The following MDH1B variants were observed in gnomAD, a reference collection of about 807,000 sequenced individuals.
MDH1B encodes the protein putative malate dehydrogenase 1B.
A neutral mutation model predicts 61.4 loss-of-function variants in MDH1B; 60 were observed. The observed-to-expected ratio is 0.98, with a 90% CI of 0.79 to 1.21. The LOEUF is 1.21. MDH1B is among the 50% of genes most tolerant of loss of function. The pLI is 0.00. For synonymous variants in MDH1B, 236 were observed against 218.7 expected, an observed-to-expected ratio of 1.08 and a Z score of -0.70; for missense variants, 587 against 632.1, an observed-to-expected ratio of 0.93 and a Z score of 0.76.
chr2:206,742,930 T>C (rs1687898068), intron 9 of MDH1B, among the ~76,000 whole-genome samples: 1 of 152,082 alleles, frequency 6.6e-6, no homozygotes, highest in Admixed American at 6.6e-5. Context: ...TTAGCCAGGA[T>C]GGTCTCGATC....
At chr2:206,752,283 A>G (rs1036932384) in intron 5 of MDH1B, among the ~76,000 whole-genome samples, 4 of 152,118 alleles carry the variant, frequency 2.6e-5, no homozygotes, top group African/African-American at 9.7e-5. Context: ...CCCCAAATAG[A>G]CTATATCACT....
chr2:206,758,959 GTTT>G (rs1307519260), intron 2 of MDH1B, among the ~76,000 whole-genome samples: 2 of 142,904 alleles, frequency 1.4e-5, no homozygotes, highest in African/African-American at 2.8e-5. Context: ...GGCCAAGGCT[GTTT>G]GTTTTTTTTT....
intron 4 of MDH1B, 196 bp downstream of exon 4, chr2:206,756,702 T>A: frequency 1.7e-6 from 1 of 575,572 alleles, no homozygotes. Flanking sequence ...ATAAAACTCA[T>A]TTATGAGTTA....
chr2:206,740,074 A>T (rs1574617046), intron 10 of MDH1B, among the ~76,000 whole-genome samples: 1 of 152,234 alleles, frequency 6.6e-6, no homozygotes, highest in African/African-American at 2.4e-5. Context: ...AGGCAGCTTT[A>T]GAAAAAATAC....
In MDH1B at chr2:206,755,296, G is replaced by T. The variant is rs762218065; in HGVS notation, c.623C>A (p.Ala208Asp). 3.1e-6 allele frequency: 5 copies of T among 1,614,192 alleles called. No individual in the cohort carries two copies. The highest frequency in any genetic ancestry group is 4.2e-6 in the Non-Finnish European group (5 of 1,180,032). ...GTCATCCAGCACCACAATGACGTGG[G>T]CCTGGCGGAAGGCCTCCTCCACCTT... The part of the protein sequence containing the change: ...CTKVEEAFRQ[A>D]HVIVVLDDST... Residue 208 changes from alanine to aspartate, a missense_variant, in exon 5 of 12, where the codon GCC (alanine) becomes GAC (aspartate). Transcript: ENST00000374412.
chr2:206,741,246 A>C, intron 9 of MDH1B, 142 bp from the exon 10 acceptor site: 2 of 1,088,952 alleles, frequency 1.8e-6, no homozygotes, highest in Non-Finnish European at 2.7e-6. Context: ...ATTATAGTCC[A>C]ATGTGTACAT....
At chr2:206,748,303 C>T (rs557752482) in intron 7 of MDH1B, among the ~76,000 whole-genome samples, 6 of 152,324 alleles carry the variant, frequency 3.9e-5, no homozygotes, top group Non-Finnish European at 5.9e-5. Flanking sequence ...CACTTGAACC[C>T]AGAAGGAGGG....
intron 7 of MDH1B, 34 bp from the exon 8 acceptor site, chr2:206,746,460 G>A: frequency 1.3e-6 from 2 of 1,580,628 alleles, no homozygotes; most frequent in South Asian, 1.2e-5. Flanking sequence ...AAGCAATGCA[G>A]CAGAACTTAG....
At position 206,738,351 on chromosome 2, in the gene MDH1B, G is replaced by T. The variant is rs1358908871; in HGVS notation, c.*132C>A. 5.1e-6 allele frequency: 3 copies of T among 583,570 alleles called. No individual in the cohort carries two copies. The highest frequency in any genetic ancestry group is 1.9e-5 in the African/African-American group (1 of 51,776). The allele number at this position is 583,570 out of a possible 1,614,324, so 36.1% of individuals were successfully genotyped here. ...TCTGTGCTGTCACAGTGATTTAATT[G>T]CCTTGCATGGTATTATCTAAGACTG... On this transcript the variant is annotated 3_prime_UTR_variant, in exon 12 of 12. Coordinates refer to ENST00000374412, the MANE Select transcript of MDH1B (RefSeq NM_001039845.3).
At chr2:206,751,150 T>G (rs1688414865) in intron 5 of MDH1B, 75 bp from the exon 6 acceptor site, 30 of 1,055,424 alleles carry the variant, frequency 2.8e-5, no homozygotes, top group Non-Finnish European at 4.0e-5. Context: ...GCCTATTTTT[T>G]GTTTGCGTGC....
chr2:206,752,647 C>T (rs548697408), intron 5 of MDH1B, among the ~76,000 whole-genome samples: 3 of 152,224 alleles, frequency 2.0e-5, no homozygotes, highest in African/African-American at 7.2e-5. Context: ...CTTCCTACAG[C>T]CTAAAGAACC....
rs1331258239 is a variant in MDH1B at position 206,751,137 on chromosome 2, G to A, written c.911-62C>T. The A allele has an allele frequency of 4.8e-6, 6 of 1,254,712 alleles. No homozygotes were observed. The East Asian group carries it at 1.1e-4, about 22-fold the overall frequency. The allele number at this position is 1,254,712 out of a possible 1,614,324, so 77.7% of individuals were successfully genotyped here. Reference sequence around the variant, plus strand: ...TGTATGTTAATATAAAAAATTGCCTGAAGCCTATTTTTTGTTTGCGTGCAT... The same window carrying A: ...TGTATGTTAATATAAAAAATTGCCTAAAGCCTATTTTTTGTTTGCGTGCAT... On this transcript the variant is annotated intron_variant, in intron 5 of 11. Transcript: ENST00000374412.
intron 7 of MDH1B, among the ~76,000 whole-genome samples, chr2:206,748,454 T>C (rs1688245455): frequency 6.6e-6 from 1 of 152,260 alleles, no homozygotes; most frequent in African/African-American, 2.4e-5. Context: ...TAAAAGTTTA[T>C]ATGCAGTATT....
intron 1 of MDH1B, among the ~76,000 whole-genome samples, chr2:206,762,301 T>G (rs1689145460): frequency 6.6e-6 from 1 of 152,218 alleles, no homozygotes; most frequent in Admixed American, 6.5e-5. Flanking sequence ...CAAAATGGCA[T>G]TAGTTTGGAA....
At chr2:206,745,477 T>G in intron 9 of MDH1B, 145 bp downstream of exon 9, 1 of 681,588 alleles carries the variant, frequency 1.5e-6, no homozygotes. Context: ...AAGGACACAT[T>G]GAACTTAACA....
chr2:206,763,522 C>T (rs189924811), intron 1 of MDH1B, among the ~76,000 whole-genome samples: 3 of 152,196 alleles, frequency 2.0e-5, no homozygotes, highest in African/African-American at 4.8e-5. Context: ...ACACTATAGC[C>T]GTAACATTCA....
At position 206,755,111 on chromosome 2, in the gene MDH1B, T is replaced by C; in HGVS notation, c.808A>G (p.Arg270Gly). 5 of 1,614,194 alleles carry C rather than the reference T, an allele frequency of 3.1e-6. No individual in the cohort carries two copies. Among genetic ancestry groups the C allele is most frequent in the Non-Finnish European group, 4.2e-6 (5 of 1,180,034 alleles). Residue 270 changes from arginine to glycine, a missense_variant, in exon 5 of 12, where the codon AGA (arginine) becomes GGA (glycine). Arg to Gly is a moderately radical substitution (Grantham distance 125, BLOSUM62 -2). Transcript: ENST00000374412. ...FVNLKTVLLM[R>G]YAPRIAHNII... Reference sequence around the variant, plus strand: ...TTGTGTGCAATGCGTGGGGCATATCTCATGAGTAAAACTGTCTTCAGGTTT... The same window carrying C: ...TTGTGTGCAATGCGTGGGGCATATCCCATGAGTAAAACTGTCTTCAGGTTT...
chr2:206,762,201 A>G (rs1689139493), intron 1 of MDH1B, among the ~76,000 whole-genome samples: 1 of 152,006 alleles, frequency 6.6e-6, no homozygotes, highest in South Asian at 2.1e-4. Flanking sequence ...CTTCCTCCAA[A>G]TCTTTTCCTT....
At chr2:206,744,247 T>C (rs749347549) in intron 9 of MDH1B, among the ~76,000 whole-genome samples, 44 of 152,208 alleles carry the variant, frequency 2.9e-4, no homozygotes, top group Non-Finnish European at 1.9e-4. Flanking sequence ...CAGTCATCTA[T>C]ATAATGTGTG....
Sources: gnomAD v4.1 joint callset for allele counts (sites outside exome capture counted in the v4.1 genomes callset) on GRCh38, gnomAD v4.1.1 for gene constraint, MANE v1.5 for transcripts, NCBI Gene and HGNC (gene_info 2026-07-23, HGNC 2026-07-21) for gene names.